PPFIA2: variants seen among roughly 807,000 people sequenced by gnomAD.
The protein encoded by PPFIA2 is PPFI scaffold protein A2, also known as liprin-alpha-2.
A neutral mutation model predicts 175.5 loss-of-function variants in PPFIA2; 46 were observed. That is an observed-to-expected ratio of 0.26 (90% confidence interval 0.21 to 0.34). The LOEUF (loss-of-function observed/expected upper bound fraction) is 0.34, where lower values mean the gene tolerates loss of function less well. Ranked by LOEUF, PPFIA2 falls within the 10% of genes least tolerant of loss-of-function variation. The pLI is 1.00. For synonymous variants in PPFIA2, 568 were observed against 511.4 expected, an observed-to-expected ratio of 1.11 and a Z score of -1.49; for missense variants, 1,179 against 1,506.1, an observed-to-expected ratio of 0.78 and a Z score of 3.60.
At chr12:81,400,929 A>G (rs1482273042) in intron 8 of PPFIA2, among the ~76,000 whole-genome samples, 1 of 152,182 alleles carries the variant, frequency 6.6e-6, no homozygotes, top group African/African-American at 2.4e-5. Context: ...CTCAGTCACT[A>G]ATACATGACA....
intron 4 of PPFIA2, among the ~76,000 whole-genome samples, chr12:81,601,794 T>C (rs1285829614): frequency 6.6e-6 from 1 of 151,882 alleles, no homozygotes; most frequent in Non-Finnish European, 1.5e-5. Context: ...AGCCTCTCTT[T>C]GTCAAAATTT....
At chr12:81,584,247 T>C (rs6539571) in intron 4 of PPFIA2, among the ~76,000 whole-genome samples, 55,482 of 151,672 alleles carry the variant, frequency 0.37, 10,666 homozygotes, top group Middle Eastern at 0.45. Context: ...TTAAACAAAA[T>C]TGTGTTAAAA....
At chr12:81,732,504 G>GT (rs749841598) in intron 3 of PPFIA2, among the ~76,000 whole-genome samples, 2,866 of 107,052 alleles carry the variant, frequency 0.027, 35 homozygotes, top group Non-Finnish European at 0.031. Flanking sequence ...TATGGATGAT[G>GT]TTTTTTTTTA....
chr12:81,562,835 A>C (rs1184682762), intron 4 of PPFIA2, among the ~76,000 whole-genome samples: 2 of 104,136 alleles, frequency 1.9e-5, no homozygotes, highest in East Asian at 5.5e-4. Flanking sequence ...CGACAGAGCG[A>C]GACTCTGTCT....
Position 81,370,212 on chromosome 12 carries a change from G to GA in PPFIA2, c.1267-1019dup, listed in dbSNP as rs767372241. Among the ~76,000 whole-genome samples, 175 of 151,778 alleles carry GA rather than the reference G, an allele frequency of 1.2e-3. 1 individual carries two copies. Among genetic ancestry groups the GA allele is most frequent in the Non-Finnish European group, 1.3e-3 (86 of 67,806 alleles). ...AATTTATTCTAAACCTTGCTCTGTAGAAAAAAAGATAAAAAAACTAAGCCT... is the reference window on the plus strand; with the variant it reads ...AATTTATTCTAAACCTTGCTCTGTAGAAAAAAAAGATAAAAAAACTAAGCCT... On this transcript the variant is annotated intron_variant, in intron 11 of 32. Coordinates refer to ENST00000549396, the MANE Select transcript of PPFIA2 (RefSeq NM_003625.5).
At chr12:81,635,582 C>G (rs2063895497) in intron 4 of PPFIA2, among the ~76,000 whole-genome samples, 1 of 152,174 alleles carries the variant, frequency 6.6e-6, no homozygotes, top group African/African-American at 2.4e-5. Flanking sequence ...GACCTGGCAG[C>G]TGAAATCACC....
At chr12:81,503,338 A>G (rs150279775) in intron 4 of PPFIA2, among the ~76,000 whole-genome samples, 158 of 152,238 alleles carry the variant, frequency 1.0e-3, no homozygotes, top group African/African-American at 3.1e-3. Flanking sequence ...CCAAAAAAAC[A>G]AAACAAAAAA....
At chr12:81,329,535 G>A (rs1278050373) in intron 21 of PPFIA2, among the ~76,000 whole-genome samples, 1 of 152,046 alleles carries the variant, frequency 6.6e-6, no homozygotes, top group Admixed American at 6.6e-5. Flanking sequence ...AAAATCAGTG[G>A]GACAACGATC....
intron 4 of PPFIA2, among the ~76,000 whole-genome samples, chr12:81,630,121 A>G (rs1327810473): frequency 6.6e-6 from 1 of 152,174 alleles, no homozygotes; most frequent in Non-Finnish European, 1.5e-5. Context: ...GCAAACAAGT[A>G]GATTCTTCCT....
chr12:81,384,594 C>T (rs2038507513), intron 8 of PPFIA2, among the ~76,000 whole-genome samples: 1 of 151,778 alleles, frequency 6.6e-6, no homozygotes, highest in Admixed American at 6.6e-5. Flanking sequence ...ATTTACAATG[C>T]TATGATATAA....
At chr12:81,279,265 C>T (rs2136877590) in intron 27 of PPFIA2, 1 of 152,204 alleles carries the variant, frequency 6.6e-6, no homozygotes, top group Middle Eastern at 3.4e-3. Context: ...AGAAACCAGA[C>T]CTGCTGATTC....
intron 4 of PPFIA2, among the ~76,000 whole-genome samples, chr12:81,574,711 A>G (rs1353116470): frequency 2.0e-5 from 3 of 147,232 alleles, no homozygotes; most frequent in Non-Finnish European, 3.0e-5. Context: ...TATTATTGGG[A>G]AAAAAAAAAC....
chr12:81,709,648 A>C (rs1351115112), intron 3 of PPFIA2, among the ~76,000 whole-genome samples: 1 of 152,054 alleles, frequency 6.6e-6, no homozygotes, highest in East Asian at 1.9e-4. Context: ...GAGAGCTTTC[A>C]AAGTCAATAA....
chr12:81,498,609 A>G (rs2060266933), intron 4 of PPFIA2, among the ~76,000 whole-genome samples: 1 of 151,936 alleles, frequency 6.6e-6, no homozygotes, highest in South Asian at 2.1e-4. Flanking sequence ...TAACTTATTA[A>G]TTTATTTATT....
At chr12:81,530,947 T>A (rs1013234494) in intron 4 of PPFIA2, among the ~76,000 whole-genome samples, 1 of 151,948 alleles carries the variant, frequency 6.6e-6, no homozygotes, top group Non-Finnish European at 1.5e-5. Context: ...AGTATTTACA[T>A]AATTAAGAAA....
intron 2 of PPFIA2, 74 bp downstream of exon 2, chr12:81,758,326 G>GCGGGGTGGGGC: frequency 4.4e-6 from 2 of 451,468 alleles, no homozygotes; most frequent in Non-Finnish European, 4.5e-6. Context: ...TTCCCTGGGG[G>GCGGGGTGGGGC]CGGGGTGGGG....
chr12:81,587,766 A>G (rs1177300596), intron 4 of PPFIA2, among the ~76,000 whole-genome samples: 1 of 152,014 alleles, frequency 6.6e-6, no homozygotes, highest in Non-Finnish European at 1.5e-5. Flanking sequence ...ATAATATGCT[A>G]TTGTGACTTT....
At chr12:81,349,267 T>C (rs992097784) in intron 17 of PPFIA2, among the ~76,000 whole-genome samples, 4 of 152,194 alleles carry the variant, frequency 2.6e-5, no homozygotes, top group African/African-American at 9.6e-5. Context: ...ATAAGTGATC[T>C]TTGTGATTTT....
rs749257843 is a variant in PPFIA2, at chr12:81,362,699, A to T, written c.1631T>A (p.Ile544Lys). 2 of 1,540,876 alleles carry T rather than the reference A, an allele frequency of 1.3e-6. No homozygotes were observed. The highest frequency in any genetic ancestry group is 8.8e-7 in the Non-Finnish European group (1 of 1,138,086). ...GCTTTTAGTTTAATGTTACCTTGGTATTGTGGGTTCAATTAAAGAGCCAGT... is the reference window on the plus strand; with the variant it reads ...GCTTTTAGTTTAATGTTACCTTGGTTTTGTGGGTTCAATTAAAGAGCCAGT... ...MRTGSLIEPT[I>K]PRTHLDTSAE... The change falls in exon 15 of 33, where the codon ATA becomes AAA. Residue 544 changes from isoleucine to lysine, a missense_variant. By Grantham distance (102) the Ile-to-Lys change is moderately radical. Around this residue, in one of 10 missense-constraint regions of PPFIA2, gnomAD observed 186 missense variants for 163.6 expected, o/e 1.14. Coordinates refer to ENST00000549396, the MANE Select transcript of PPFIA2 (RefSeq NM_003625.5).
Sources: allele counts gnomAD v4.1 joint callset (sites outside exome capture counted in the v4.1 genomes callset), GRCh38; gene constraint gnomAD v4.1.1; regional missense constraint gnomAD v4.1.1; transcripts MANE v1.5; gene names NCBI Gene and HGNC (gene_info 2026-07-23, HGNC 2026-07-21).